CADM2: variants seen among roughly 807,000 people sequenced by gnomAD.
CADM2 encodes cell adhesion molecule 2.
In CADM2, 12 loss-of-function variants were observed where a neutral mutation model predicts 49.8. The ratio of observed to expected loss-of-function variants is 0.24; its 90% CI spans 0.15 to 0.39. CADM2 has a LOEUF of 0.39. CADM2 is among the 10% of genes least tolerant of loss of function. The pLI is 1.00. For missense variants in CADM2, 378 were observed against 492.3 expected (o/e 0.77, Z 2.20); for synonymous variants, 214 against 175.4 (o/e 1.22, Z -1.74).
intron 1 of CADM2, among the ~76,000 whole-genome samples, chr3:85,101,667 T>C (rs2038018599): frequency 6.6e-6 from 1 of 152,232 alleles, no homozygotes; most frequent in Non-Finnish European, 1.5e-5. Context: ...CAGAATTGCA[T>C]GACTACAGCT....
At chr3:85,063,126 G>T (rs188329377) in intron 1 of CADM2, among the ~76,000 whole-genome samples, 1 of 151,702 alleles carries the variant, frequency 6.6e-6, no homozygotes, top group Admixed American at 6.6e-5. Context: ...TTATGTAATT[G>T]CAGTGTTAAT....
intron 1 of CADM2, among the ~76,000 whole-genome samples, chr3:85,223,945 A>C (rs1246689366): frequency 6.6e-6 from 1 of 152,106 alleles, no homozygotes; most frequent in Non-Finnish European, 1.5e-5. Flanking sequence ...TCATTTTTTT[A>C]TGGCTGCATA....
chr3:85,753,653 A>T (rs2068967881), intron 2 of CADM2, among the ~76,000 whole-genome samples: 1 of 152,196 alleles, frequency 6.6e-6, no homozygotes, highest in Non-Finnish European at 1.5e-5. Context: ...GCTAAGAATG[A>T]CTAGGAACAA....
chr3:85,892,213 A>G lies in CADM2; in HGVS notation c.529+5886A>G, dbSNP rs551368316. 4.6e-5 allele frequency among the ~76,000 whole-genome samples: 7 copies of G among 152,342 alleles called. No homozygotes were observed. In the South Asian group the frequency reaches 1.4e-3, roughly 32 times the overall value. ...CAAAGAAATGGTTCTGAAAGAGAAG[A>G]TAACTTTCAAGTGAACTTGGTGAAT... On this transcript the variant is annotated intron_variant, in intron 5 of 9. Coordinates refer to ENST00000383699, the MANE Select transcript of CADM2 (RefSeq NM_001167675.2).
At chr3:85,851,735 C>A in intron 3 of CADM2, among the ~76,000 whole-genome samples, 1 of 150,788 alleles carries the variant, frequency 6.6e-6, no homozygotes. Context: ...AGAGTAGTGG[C>A]AGATGGGATA....
At chr3:86,060,149 A>C (rs901461050) in intron 8 of CADM2, among the ~76,000 whole-genome samples, 2 of 152,104 alleles carry the variant, frequency 1.3e-5, no homozygotes, top group Non-Finnish European at 1.5e-5. Context: ...TCTGAAACAA[A>C]CTGAAAACAA....
At chr3:85,027,109 C>CTTTTCTTTTTTT (rs1317386284) in intron 1 of CADM2, among the ~76,000 whole-genome samples, 13 of 55,688 alleles carry the variant, frequency 2.3e-4, no homozygotes, top group African/African-American at 1.2e-3. Flanking sequence ...TTTCTTTTTC[C>CTTTTCTTTTTTT]TTTTTTTTTT....
intron 3 of CADM2, chr3:85,828,173 T>C (rs1418557599): frequency 6.6e-6 from 1 of 151,932 alleles, no homozygotes; most frequent in Non-Finnish European, 1.5e-5. Flanking sequence ...CTATCCAAGC[T>C]TCTTGTAGGT....
chr3:85,635,265 T>C (rs945999997), intron 1 of CADM2, among the ~76,000 whole-genome samples: 2 of 152,134 alleles, frequency 1.3e-5, no homozygotes, highest in Non-Finnish European at 2.9e-5. Context: ...AAGCGGCATA[T>C]ACAGGAATAG....
intron 1 of CADM2, among the ~76,000 whole-genome samples, chr3:85,647,544 A>T (rs2064923761): frequency 6.6e-6 from 1 of 151,702 alleles, no homozygotes; most frequent in Non-Finnish European, 1.5e-5. Flanking sequence ...GACTTGTGAA[A>T]TTTTTTTGCA....
At chr3:85,198,379 C>T (rs1477180871) in intron 1 of CADM2, among the ~76,000 whole-genome samples, 2 of 151,020 alleles carry the variant, frequency 1.3e-5, no homozygotes, top group Non-Finnish European at 3.0e-5. Flanking sequence ...ATTATATTCA[C>T]TTACATGGTC....
intron 1 of CADM2, among the ~76,000 whole-genome samples, chr3:85,682,341 T>C (rs144817883): frequency 6.6e-6 from 1 of 152,042 alleles, no homozygotes; most frequent in Non-Finnish European, 1.5e-5. Context: ...CCTTTCTAAA[T>C]AGGAGGAAAG....
intron 1 of CADM2, among the ~76,000 whole-genome samples, chr3:85,671,225 C>T (rs1449139972): frequency 6.6e-6 from 1 of 152,156 alleles, no homozygotes; most frequent in Non-Finnish European, 1.5e-5. Context: ...CTTGGAGCAA[C>T]ACAAATGAAT....
chr3:85,154,308 C>T (rs1278053717), intron 1 of CADM2, among the ~76,000 whole-genome samples: 1 of 152,168 alleles, frequency 6.6e-6, no homozygotes, highest in East Asian at 1.9e-4. Context: ...GCCTCAGGAG[C>T]TCATGCGATC....
At chr3:84,974,096 T>C (rs1472879438) in intron 1 of CADM2, among the ~76,000 whole-genome samples, 1 of 152,130 alleles carries the variant, frequency 6.6e-6, no homozygotes, top group Non-Finnish European at 1.5e-5. Context: ...TTAACTTTGA[T>C]GATCCCAAGA....
intron 3 of CADM2, among the ~76,000 whole-genome samples, chr3:85,881,614 G>C (rs1313061963): frequency 6.6e-6 from 1 of 152,080 alleles, no homozygotes; most frequent in African/African-American, 2.4e-5. Context: ...ACTTTGTGCT[G>C]CTATTTGGAC....
rs1559643809 is a variant in CADM2 at position 85,769,204 on chromosome 3, T to TATATACATATATAGTATATATACACAC, written c.89-32835_89-32809dup. The stretch of plus-strand genomic sequence containing the variant: ...TATACATATATAGTATATATACACA[T>TATATACATATATAGTATATATACACAC]ATATACATATATAGTATATATACAC... On this transcript the variant is annotated intron_variant, in intron 2 of 9. Transcript: ENST00000383699. Among the ~76,000 whole-genome samples the TATATACATATATAGTATATATACACAC allele has an allele frequency of 6.9e-4, 80 of 115,666 alleles. 5 individuals are homozygous for TATATACATATATAGTATATATACACAC. Among genetic ancestry groups the TATATACATATATAGTATATATACACAC allele is most frequent in the African/African-American group, 2.6e-3 (67 of 26,096 alleles). 75.9% of individuals were successfully genotyped at this position (115,666 alleles called of 152,430 possible).
At chr3:85,618,004 C>T (rs1355760865) in intron 1 of CADM2, among the ~76,000 whole-genome samples, 2 of 152,124 alleles carry the variant, frequency 1.3e-5, no homozygotes, top group Non-Finnish European at 2.9e-5. Context: ...AAAGTTGCTT[C>T]ACTGATGAAT....
At chr3:85,946,072 T>G (rs1722651990) in intron 7 of CADM2, among the ~76,000 whole-genome samples, 1 of 152,160 alleles carries the variant, frequency 6.6e-6, no homozygotes, top group South Asian at 2.1e-4. Context: ...ATAAGCAACT[T>G]CAGCAAAGTC....
Sources: allele counts gnomAD v4.1 joint callset (sites outside exome capture counted in the v4.1 genomes callset), GRCh38; gene constraint gnomAD v4.1.1; transcripts MANE v1.5; gene names NCBI Gene and HGNC (gene_info 2026-07-23, HGNC 2026-07-21).